The following STXBP6 variants were observed in gnomAD, a reference collection of about 807,000 sequenced individuals.
STXBP6 encodes syntaxin-binding protein 6.
In STXBP6, 21 loss-of-function variants were observed where a neutral mutation model predicts 26.9. The observed-to-expected ratio is 0.78, with a 90% CI of 0.55 to 1.12. STXBP6 has a LOEUF of 1.12. Among genes scored for constraint, STXBP6 ranks in the 50% most tolerant of loss-of-function variants. The pLI is 0.00. For missense variants in STXBP6, 232 were observed against 257.9 expected (o/e 0.90, Z 0.69); for synonymous variants, 97 against 92.6 (o/e 1.05, Z -0.27).
chr14:25,019,511 C>T (rs1303967266), intron 1 of STXBP6, among the ~76,000 whole-genome samples: 1 of 152,168 alleles, frequency 6.6e-6, no homozygotes, highest in Non-Finnish European at 1.5e-5. Context: ...TTTCCCTATC[C>T]TAACATAAGG....
chr14:24,996,267 T>C (rs1198305088), intron 1 of STXBP6, among the ~76,000 whole-genome samples: 3 of 152,218 alleles, frequency 2.0e-5, no homozygotes, highest in African/African-American at 7.2e-5. Flanking sequence ...TTCTTGGCTA[T>C]TTACTATACT....
At chr14:24,917,832 T>C (rs147531231) in intron 2 of STXBP6, among the ~76,000 whole-genome samples, 2 of 151,850 alleles carry the variant, frequency 1.3e-5, no homozygotes, top group East Asian at 3.9e-4. Flanking sequence ...CGGGAGAAAA[T>C]ATTTGCTAAC....
intron 2 of STXBP6, among the ~76,000 whole-genome samples, chr14:24,866,105 T>C (rs1380138899): frequency 2.0e-5 from 3 of 152,094 alleles, no homozygotes; most frequent in African/African-American, 4.8e-5. Context: ...TCTGTGGACT[T>C]TGAGTAAAGC....
chr14:24,985,708 T>C (rs2074313298), intron 1 of STXBP6, among the ~76,000 whole-genome samples: 1 of 152,204 alleles, frequency 6.6e-6, no homozygotes, highest in African/African-American at 2.4e-5. Flanking sequence ...CAGCAAGATA[T>C]TCACAAATAA....
chr14:24,833,941 G>T (rs980116535), intron 4 of STXBP6, among the ~76,000 whole-genome samples: 4 of 152,258 alleles, frequency 2.6e-5, no homozygotes, highest in Middle Eastern at 6.8e-3. Context: ...AGGAAGGCAC[G>T]ATTTTCACAC....
At chr14:25,028,406 A>G (rs1175789871) in intron 1 of STXBP6, among the ~76,000 whole-genome samples, 1 of 152,144 alleles carries the variant, frequency 6.6e-6, no homozygotes, top group Non-Finnish European at 1.5e-5. Flanking sequence ...TCTATTCTGC[A>G]TGTGCTCTAT....
chr14:24,917,301 C>T (rs1234542203), intron 2 of STXBP6, among the ~76,000 whole-genome samples: 2 of 151,984 alleles, frequency 1.3e-5, no homozygotes, highest in African/African-American at 4.8e-5. Flanking sequence ...GATTGTTTTA[C>T]TACATTTTCA....
Position 24,939,345 on chromosome 14 carries a change from T to C in STXBP6, c.154+35320A>G, listed in dbSNP as rs1240853900. On this transcript the variant is annotated intron_variant, in intron 2 of 5. Transcript: ENST00000323944. ...GTCTTGACTCCAACCCTATATCTGT[T>C]AGGCAAGCTAAAGGGTAATGGGTTC... Among the ~76,000 whole-genome samples the C allele has an allele frequency of 2.0e-5, 3 of 152,200 alleles. No individual in the cohort carries two copies. In the East Asian group the frequency reaches 5.8e-4, roughly 29 times the overall value.
At chr14:24,815,763 T>C (rs1243531862) in intron 5 of STXBP6, 7 of 152,218 alleles carry the variant, frequency 4.6e-5, no homozygotes, top group Admixed American at 1.3e-4. Flanking sequence ...TGCTGCAACA[T>C]TGTGCTTTTT....
intron 2 of STXBP6, among the ~76,000 whole-genome samples, chr14:24,960,857 G>T (rs1441104524): frequency 6.6e-6 from 1 of 152,206 alleles, no homozygotes; most frequent in Non-Finnish European, 1.5e-5. Flanking sequence ...TTCAAATTCA[G>T]CTTGGCCAAT....
At chr14:24,939,732 T>C (rs1426627315) in intron 2 of STXBP6, among the ~76,000 whole-genome samples, 1 of 152,230 alleles carries the variant, frequency 6.6e-6, no homozygotes, top group Non-Finnish European at 1.5e-5. Context: ...ACAGGTGACA[T>C]TAATCATGTA....
In STXBP6 at chr14:24,868,088, A is replaced by G. The variant is rs1189705191; in HGVS notation, c.155-10931T>C. Among the ~76,000 whole-genome samples the G allele has an allele frequency of 2.0e-5, 3 of 151,970 alleles. No homozygotes were observed. The East Asian group carries it at 5.8e-4, about 29-fold the overall frequency. On this transcript the variant is annotated intron_variant, in intron 2 of 5. Transcript: ENST00000323944. ...GGCACATGCTTATAAAGTTCCAGCT[A>G]CTCAGGAGGCTGAGGTGGGAGGATT... is the stretch of plus-strand genomic sequence containing the variant.
At chr14:24,973,153 A>G (rs1312929023) in intron 2 of STXBP6, among the ~76,000 whole-genome samples, 1 of 152,104 alleles carries the variant, frequency 6.6e-6, no homozygotes, top group East Asian at 1.9e-4. Flanking sequence ...TTCATTAACA[A>G]AATTCTAGGA....
chr14:25,029,440 G>A (rs2075409864), intron 1 of STXBP6, among the ~76,000 whole-genome samples: 1 of 152,108 alleles, frequency 6.6e-6, no homozygotes, highest in Non-Finnish European at 1.5e-5. Context: ...ATTCAGGTAT[G>A]TATTTTTTCA....
At chr14:24,871,122 A>ATAATG (rs1213003082) in intron 2 of STXBP6, among the ~76,000 whole-genome samples, 1 of 151,044 alleles carries the variant, frequency 6.6e-6, no homozygotes, top group Non-Finnish European at 1.5e-5. Flanking sequence ...TTCTTTTTTC[A>ATAATG]CTACTTTCAT....
chr14:24,863,137 T>C (rs867061345), intron 2 of STXBP6, among the ~76,000 whole-genome samples: 58 of 152,114 alleles, frequency 3.8e-4, no homozygotes, highest in African/African-American at 1.3e-3. Flanking sequence ...TCCTGGACTA[T>C]TACATTTTAA....
intron 2 of STXBP6, among the ~76,000 whole-genome samples, chr14:24,881,686 A>G (rs1324353729): frequency 6.6e-6 from 1 of 152,192 alleles, no homozygotes; most frequent in Non-Finnish European, 1.5e-5. Context: ...AGCAATGACA[A>G]GCATACATTT....
intron 1 of STXBP6, among the ~76,000 whole-genome samples, chr14:25,037,624 G>T (rs1312746369): frequency 2.6e-5 from 4 of 152,170 alleles, no homozygotes; most frequent in African/African-American, 9.7e-5. Context: ...CTTCCTTCCA[G>T]TGGGACTGGG....
At position 24,930,846 on chromosome 14, in the gene STXBP6, T is replaced by A. The variant is rs555016374; in HGVS notation, c.154+43819A>T. Reference sequence around the variant, plus strand: ...CCAAACACCGGCCGGGCGCGGTGGCTCACGCCTGTAATCCCAGCACTTTGG... The same window carrying A: ...CCAAACACCGGCCGGGCGCGGTGGCACACGCCTGTAATCCCAGCACTTTGG... On this transcript the variant is annotated intron_variant, in intron 2 of 5. Coordinates refer to ENST00000323944, the MANE Select transcript of STXBP6 (RefSeq NM_001394410.1). Among the ~76,000 whole-genome samples, 280 of 150,722 alleles carry A rather than the reference T, an allele frequency of 1.9e-3. 1 individual carries two copies. Among genetic ancestry groups the A allele is most frequent in the African/African-American group, 6.7e-3 (275 of 40,950 alleles).
Sources: gnomAD v4.1 joint callset for allele counts (sites outside exome capture counted in the v4.1 genomes callset) on GRCh38, gnomAD v4.1.1 for gene constraint, MANE v1.5 for transcripts, NCBI Gene and HGNC (gene_info 2026-07-23, HGNC 2026-07-21) for gene names.